Variants in LMLN observed in about 807,000 individuals in gnomAD.
LMLN encodes leishmanolysin-like peptidase.
LMLN carries 70 observed loss-of-function variants against 92.3 expected under a neutral mutation model. The observed-to-expected ratio is 0.76, with a 90% confidence interval of 0.63 to 0.92. The LOEUF is 0.92. Ranked by LOEUF, LMLN falls within the 40% of genes least tolerant of loss-of-function variation. The probability of loss-of-function intolerance (pLI) is 0.00; values close to 1 mark genes in which losing one functional copy is unlikely to be tolerated. For missense variants in LMLN, 691 were observed against 814.6 expected (o/e 0.85, Z 1.85); for synonymous variants, 308 against 296.2 (o/e 1.04, Z -0.41).
In LMLN at chr3:197,991,826, T is replaced by C. The variant is rs563498949; in HGVS notation, c.1047+1150T>C. On this transcript the variant is annotated intron_variant, in intron 9 of 15. Coordinates refer to ENST00000330198, the Ensembl canonical transcript of LMLN. ...TGAAAATCTCTAACTAAAGGACAGA[T>C]AGAACCCAATGAGCAAGGTTTTATT... Among the ~76,000 whole-genome samples the C allele has an allele frequency of 2.6e-5, 4 of 151,902 alleles. No individual in the cohort carries two copies. The South Asian group carries it at 6.2e-4, about 24-fold the overall frequency.
At chr3:198,001,061 C>G (rs1722159520) in intron 11 of LMLN, among the ~76,000 whole-genome samples, 1 of 152,186 alleles carries the variant, frequency 6.6e-6, no homozygotes, top group Admixed American at 6.5e-5. Context: ...AGTGCTCATC[C>G]TTCTGAGTTG....
At chr3:197,996,737 T>C (rs1722027966) in intron 10 of LMLN, among the ~76,000 whole-genome samples, 2 of 152,236 alleles carry the variant, frequency 1.3e-5, no homozygotes. Flanking sequence ...TTTCAATAAA[T>C]GAAGTCCTGT....
At chr3:197,979,153 A>G (rs1348901043) in intron 5 of LMLN, among the ~76,000 whole-genome samples, 1 of 152,216 alleles carries the variant, frequency 6.6e-6, no homozygotes, top group Non-Finnish European at 1.5e-5. Flanking sequence ...CACTCCCTAA[A>G]GTAATTGATT....
chr3:197,986,939 A>G (rs1249145852), intron 8 of LMLN, among the ~76,000 whole-genome samples: 1 of 146,954 alleles, frequency 6.8e-6, no homozygotes, highest in East Asian at 2.0e-4. Context: ...TCCAGGGTTC[A>G]CGCCATTCTC....
At chr3:198,001,854 C>T (rs1245815678) in intron 11 of LMLN, among the ~76,000 whole-genome samples, 4 of 152,000 alleles carry the variant, frequency 2.6e-5, no homozygotes, top group Non-Finnish European at 4.4e-5. Flanking sequence ...GGTTTCGCCA[C>T]GTTGCCCAGG....
intron 1 of LMLN, among the ~76,000 whole-genome samples, chr3:197,963,193 T>TTC (rs923757330): frequency 9.3e-5 from 13 of 140,286 alleles, no homozygotes; most frequent in African/African-American, 2.8e-4. Flanking sequence ...CTGTTTTCTT[T>TTC]TCTCTCTCTT....
chr3:198,023,487 C>G (rs7373145), intron 13 of LMLN, among the ~76,000 whole-genome samples: 32,965 of 152,086 alleles, frequency 0.22, 5,943 homozygotes, highest in African/African-American at 0.5. Flanking sequence ...CCACATCCAG[C>G]CCTGAACCCC....
At chr3:198,007,474 A>G (rs1722326554) in intron 11 of LMLN, among the ~76,000 whole-genome samples, 1 of 151,006 alleles carries the variant, frequency 6.6e-6, no homozygotes, top group Non-Finnish European at 1.5e-5. Flanking sequence ...CTTTGGCAGA[A>G]ACCATCAGTT....
At chr3:198,015,712 C>T (rs1722617835) in intron 11 of LMLN, among the ~76,000 whole-genome samples, 1 of 151,898 alleles carries the variant, frequency 6.6e-6, no homozygotes, top group African/African-American at 2.4e-5. Context: ...ACTAGTCTGA[C>T]TTCTCTGTAC....
chr3:198,023,841 C>T (rs1361827881), intron 13 of LMLN, among the ~76,000 whole-genome samples: 4 of 152,090 alleles, frequency 2.6e-5, no homozygotes, highest in African/African-American at 7.2e-5. Flanking sequence ...GTGGTTTTGC[C>T]GTTAAAGTAA....
intron 1 of LMLN, among the ~76,000 whole-genome samples, chr3:197,960,859 C>G (rs560469399): frequency 5.3e-5 from 8 of 152,268 alleles, no homozygotes; most frequent in African/African-American, 1.9e-4. Context: ...TTAGGAACCG[C>G]TGACCTGAAG....
intron 6 of LMLN, among the ~76,000 whole-genome samples, chr3:197,983,719 T>C (rs1317352920): frequency 6.6e-6 from 1 of 152,222 alleles, no homozygotes; most frequent in East Asian, 1.9e-4. Flanking sequence ...AAAATTCATA[T>C]TAAAGTATAA....
intron 4 of LMLN, 167 bp from the exon 5 acceptor site, chr3:197,976,429 CAA>C (rs1721383162): frequency 1.9e-6 from 1 of 532,424 alleles, no homozygotes; most frequent in Non-Finnish European, 3.4e-6. Context: ...AAACCCAAAT[CAA>C]GAGGATTTCC....
intron 1 of LMLN, among the ~76,000 whole-genome samples, chr3:197,961,400 T>G (rs1238390622): frequency 3.3e-5 from 5 of 152,204 alleles, no homozygotes; most frequent in African/African-American, 4.8e-5. Context: ...AGACACTCAT[T>G]TTTATGGTAA....
At chr3:197,973,124 A>G (rs6605321) in intron 1 of LMLN, among the ~76,000 whole-genome samples, 353 of 152,044 alleles carry the variant, frequency 2.3e-3, no homozygotes, top group African/African-American at 8.3e-3. Flanking sequence ...CTCCCTCCCC[A>G]AAATACTGTC....
intron 11 of LMLN, among the ~76,000 whole-genome samples, chr3:198,001,998 A>G (rs1722187286): frequency 6.6e-6 from 1 of 152,100 alleles, no homozygotes; most frequent in Non-Finnish European, 1.5e-5. Context: ...CTAAAGGAAC[A>G]AAATATAATA....
intron 1 of LMLN, among the ~76,000 whole-genome samples, chr3:197,960,714 C>G (rs1720842655): frequency 6.6e-6 from 1 of 152,122 alleles, no homozygotes; most frequent in Non-Finnish European, 1.5e-5. Flanking sequence ...TCACAGTCAC[C>G]CGACGCACAT....
intron 8 of LMLN, among the ~76,000 whole-genome samples, chr3:197,986,270 G>A (rs1041770081): frequency 2.0e-5 from 3 of 152,148 alleles, no homozygotes; most frequent in Non-Finnish European, 4.4e-5. Flanking sequence ...AAACCTGCCG[G>A]GCAGCGTGGC....
At chr3:197,990,795 T>A in intron 9 of LMLN, 119 bp downstream of exon 9, 1 of 566,428 alleles carries the variant, frequency 1.8e-6, no homozygotes, top group Admixed American at 2.6e-5. Flanking sequence ...GTAGGAAAAG[T>A]CATATAAAGG....
Sources: gnomAD v4.1 joint callset for allele counts (sites outside exome capture counted in the v4.1 genomes callset) on GRCh38, gnomAD v4.1.1 for gene constraint, MANE v1.5 for transcripts, NCBI Gene and HGNC (gene_info 2026-07-23, HGNC 2026-07-21) for gene names.